The following TCF20 variants were observed in gnomAD, a reference collection of about 807,000 sequenced individuals.
The protein encoded by TCF20 is SPRE-binding protein.
A neutral mutation model predicts 148.6 loss-of-function variants in TCF20; 3 were observed. The ratio of observed to expected loss-of-function variants is 0.02; its 90% CI spans 0.01 to 0.05. The LOEUF is 0.05. TCF20 is among the 10% of genes least tolerant of loss of function. The probability of loss-of-function intolerance (pLI) is 1.00; values close to 1 mark genes in which losing one functional copy is unlikely to be tolerated. For synonymous variants in TCF20, 1,049 were observed against 909.5 expected (o/e 1.15, Z -2.76); for missense variants, 2,350 against 2,429.3 (o/e 0.97, Z 0.69).
intron 2 of TCF20, among the ~76,000 whole-genome samples, chr22:42,188,329 C>G (rs373941595): frequency 2.7e-4 from 25 of 93,218 alleles, no homozygotes; most frequent in African/African-American, 7.7e-4. Context: ...AATCCAGATT[C>G]TCACCCGTGA....
upstream of TCF20, among the ~76,000 whole-genome samples, chr22:42,284,301 A>G (rs1255871901): frequency 2.6e-5 from 4 of 152,250 alleles, no homozygotes; most frequent in Non-Finnish European, 5.9e-5. Context: ...TAAATGGCTT[A>G]AAAGGGGCCA....
intron 1 of TCF20, among the ~76,000 whole-genome samples, chr22:42,266,443 C>T (rs1462958709): frequency 6.6e-6 from 1 of 152,202 alleles, no homozygotes; most frequent in East Asian, 1.9e-4. Context: ...GTGATCATTT[C>T]AATTACATTC....
rs1172061296 is a variant in TCF20, at chr22:42,270,366, G to A, written c.-64C>T. Among the ~76,000 whole-genome samples, 4 of 151,354 alleles carry A rather than the reference G, an allele frequency of 2.6e-5. No homozygotes were observed. Among genetic ancestry groups the A allele is most frequent in the South Asian group, 2.1e-4 (1 of 4,818 alleles). On this transcript the variant is annotated 5_prime_UTR_variant, in exon 1 of 6. Transcript: ENST00000677622. Reference sequence around the variant, plus strand: ...GCAGGAGCCCCCCGCCCAGTCCCTCGGCCTCCGCCGGGGGCGGGCGGGGAG... The same window carrying A: ...GCAGGAGCCCCCCGCCCAGTCCCTCAGCCTCCGCCGGGGGCGGGCGGGGAG...
chr22:42,263,749 T>G (rs1280909806), intron 1 of TCF20, among the ~76,000 whole-genome samples: 1 of 152,174 alleles, frequency 6.6e-6, no homozygotes, highest in East Asian at 1.9e-4. Flanking sequence ...CCATCTCTCC[T>G]TGATATCTTA....
intron 1 of TCF20, among the ~76,000 whole-genome samples, chr22:42,319,180 G>A (rs1488271981): frequency 1.3e-5 from 2 of 152,232 alleles, no homozygotes; most frequent in African/African-American, 4.8e-5. Context: ...CCTGGAGGAG[G>A]TGCTGGCCAG....
At chr22:42,215,897 C>A (rs1313052368) in intron 1 of TCF20, among the ~76,000 whole-genome samples, 1 of 151,920 alleles carries the variant, frequency 6.6e-6, no homozygotes, top group African/African-American at 2.4e-5. Context: ...GCATACAAAC[C>A]CAATACAGCA....
At chr22:42,237,247 C>T (rs903645835) in intron 1 of TCF20, among the ~76,000 whole-genome samples, 1 of 152,212 alleles carries the variant, frequency 6.6e-6, no homozygotes, top group Admixed American at 6.5e-5. Flanking sequence ...ATTGGCATTT[C>T]AACAATGTTC....
Position 42,338,328 on chromosome 22 carries a change from C to G in TCF20, c.-37+5151G>C, listed in dbSNP as rs142625283. Among the ~76,000 whole-genome samples the G allele has an allele frequency of 4.6e-5, 7 of 152,198 alleles. No individual in the cohort carries two copies. The highest frequency in any genetic ancestry group is 1.0e-4 in the Non-Finnish European group (7 of 68,038). ...ACTACACGTGCTGGGTGTGTAATAA[C>G]GGGTTAACCATCACCCCTGGCAGGC... On this transcript the variant is annotated intron_variant, in intron 1 of 1. Coordinates refer to the TCF20 transcript ENST00000515426. The surrounding 1 kb of genome is among the most constrained non-coding windows in gnomAD (Gnocchi z 4.0).
chr22:42,270,416 G>A lies in TCF20; in HGVS notation c.-114C>T, dbSNP rs1601684675. Reference sequence around the variant, plus strand: ...GGGAGCGGTGGCGACGGCGGGCGGCGCTGCGCGGGGTGGGGGTGGGGGTGG... The same window carrying A: ...GGGAGCGGTGGCGACGGCGGGCGGCACTGCGCGGGGTGGGGGTGGGGGTGG... On this transcript the variant is annotated 5_prime_UTR_variant, in exon 1 of 6. Transcript: ENST00000677622. Among the ~76,000 whole-genome samples the A allele has an allele frequency of 6.8e-6, 1 of 147,430 alleles. No homozygotes were observed. Among genetic ancestry groups the A allele is most frequent in the Non-Finnish European group, 1.5e-5 (1 of 66,432 alleles).
chr22:42,179,444 G>A (rs1936645468), intron 3 of TCF20, among the ~76,000 whole-genome samples, 165 bp downstream of exon 3: 1 of 140,842 alleles, frequency 7.1e-6, no homozygotes, highest in African/African-American at 2.7e-5. Context: ...GGGAAGGGAA[G>A]GGAGATGAGT....
chr22:42,267,304 A>T (rs1010738196), intron 1 of TCF20, among the ~76,000 whole-genome samples: 4 of 152,192 alleles, frequency 2.6e-5, no homozygotes, highest in Non-Finnish European at 4.4e-5. Context: ...AATTTGAGTA[A>T]TCGGAGTTTT....
chr22:42,184,185 G>A (rs1014616083), intron 2 of TCF20, among the ~76,000 whole-genome samples: 2 of 152,072 alleles, frequency 1.3e-5, no homozygotes, highest in Non-Finnish European at 2.9e-5. Flanking sequence ...GTCTGTCTTC[G>A]ACATCTGTTT....
chr22:42,315,889 G>A (rs1231126786), intron 1 of TCF20, among the ~76,000 whole-genome samples: 1 of 151,750 alleles, frequency 6.6e-6, no homozygotes, highest in East Asian at 1.9e-4. Context: ...CGAGGTGGGT[G>A]GATCACTTGA....
intron 1 of TCF20, among the ~76,000 whole-genome samples, chr22:42,237,395 T>G (rs918614044): frequency 1.3e-5 from 2 of 152,196 alleles, no homozygotes; most frequent in African/African-American, 4.8e-5. Flanking sequence ...CCACTTTTAA[T>G]TCGAGTTCTC....
chr22:42,171,841 G>T (rs528607831), intron 3 of TCF20, among the ~76,000 whole-genome samples: 69 of 152,268 alleles, frequency 4.5e-4, no homozygotes, highest in African/African-American at 1.6e-3. Context: ...CCACGCTTAC[G>T]CCACAGGGGT....
chr22:42,184,695 T>A (rs1958395735), intron 2 of TCF20, among the ~76,000 whole-genome samples: 1 of 152,162 alleles, frequency 6.6e-6, no homozygotes, highest in Non-Finnish European at 1.5e-5. Flanking sequence ...CCAAGCATGA[T>A]TTCTAAATTA....
At chr22:42,286,565 C>T (rs934461469), upstream of TCF20, among the ~76,000 whole-genome samples, 3 of 152,160 alleles carry the variant, frequency 2.0e-5, no homozygotes, top group Admixed American at 2.0e-4. Context: ...AAGCAAGAGC[C>T]GATCCCAGTT....
At chr22:42,192,041 GATTAC>G (rs1937360734) in intron 2 of TCF20, among the ~76,000 whole-genome samples, 1 of 152,268 alleles carries the variant, frequency 6.6e-6, no homozygotes, top group South Asian at 2.1e-4. Flanking sequence ...AAAGAGAAAT[GATTAC>G]ATTTTGTGCT....
chr22:42,210,478 G>A lies in TCF20; in HGVS notation c.4828C>T (p.Pro1610Ser). The stretch of plus-strand genomic sequence containing the variant: ...GTGGCATATTTTAGTTTGATCTCAG[G>A]TTCTTGGGGTTCCACAATGGGAACT... ...QAVPIVEPQE[P>S]EIKLKYATQP... Residue 1610 changes from proline (P) to serine (S), a missense_variant, in exon 2 of 6, where the codon CCT becomes TCT. By Grantham distance (74) the Pro-to-Ser change is moderately conservative (BLOSUM62 -1). Coordinates refer to ENST00000677622, the MANE Select transcript of TCF20 (RefSeq NM_001378418.1). The surrounding 1 kb of genome is among the most constrained non-coding windows in gnomAD (Gnocchi z 4.7). 2 of 1,614,208 alleles carry A rather than the reference G, an allele frequency of 1.2e-6. No homozygotes were observed. The highest frequency in any genetic ancestry group is 2.2e-5 in the South Asian group (2 of 91,084).
Sources: allele counts gnomAD v4.1 joint callset (sites outside exome capture counted in the v4.1 genomes callset), GRCh38; gene constraint gnomAD v4.1.1; non-coding constraint Gnocchi (gnomAD v3.1); transcripts MANE v1.5; gene names NCBI Gene and HGNC (gene_info 2026-07-23, HGNC 2026-07-21).